ARHGAP18: variants seen among roughly 807,000 people sequenced by gnomAD.
ARHGAP18 encodes Rho GTPase activating protein 18.
ARHGAP18 carries 67 observed loss-of-function variants against 86.2 expected under a neutral mutation model. That is an observed-to-expected ratio of 0.78 (90% CI 0.64 to 0.95). The LOEUF (loss-of-function observed/expected upper bound fraction) is 0.95. Among genes scored for constraint, ARHGAP18 ranks in the 40% least tolerant of loss-of-function variants. The pLI is 0.00. For synonymous variants in ARHGAP18, 283 were observed against 280.4 expected, an observed-to-expected ratio of 1.01 and a Z score of -0.09; for missense variants, 691 against 780.4, an observed-to-expected ratio of 0.89 and a Z score of 1.37.
chr6:129,661,160 G>T (rs774056770), intron 1 of ARHGAP18, among the ~76,000 whole-genome samples: 1 of 151,484 alleles, frequency 6.6e-6, no homozygotes, highest in Admixed American at 6.6e-5. Flanking sequence ...AATTTGATAC[G>T]AGTGGAAGCA....
At chr6:129,653,524 T>A (rs1773760313) in intron 1 of ARHGAP18, among the ~76,000 whole-genome samples, 1 of 152,150 alleles carries the variant, frequency 6.6e-6, no homozygotes, top group Non-Finnish European at 1.5e-5. Context: ...AGAAATAACT[T>A]CCAGCCAAGC....
chr6:129,623,010 A>AC (rs1789264158), intron 5 of ARHGAP18, among the ~76,000 whole-genome samples: 1 of 147,216 alleles, frequency 6.8e-6, no homozygotes. Context: ...TCAAAACAAA[A>AC]AAAAAAAAAA....
At chr6:129,613,679 A>G (rs1789031429) in intron 7 of ARHGAP18, among the ~76,000 whole-genome samples, 1 of 152,250 alleles carries the variant, frequency 6.6e-6, no homozygotes, top group Admixed American at 6.5e-5. Flanking sequence ...TATCGTCAGA[A>G]GGAATGCCAT....
At chr6:129,625,013 A>AATATATATGAATAT (rs1562695980) in intron 5 of ARHGAP18, among the ~76,000 whole-genome samples, 2 of 76,788 alleles carry the variant, frequency 2.6e-5, no homozygotes, top group African/African-American at 8.9e-5. Flanking sequence ...TATTTATATA[A>AATATATATGAATAT]TATATATGAT....
intron 1 of ARHGAP18, among the ~76,000 whole-genome samples, chr6:129,643,855 C>T (rs1477520228): frequency 1.3e-5 from 2 of 152,168 alleles, no homozygotes; most frequent in Non-Finnish European, 2.9e-5. Context: ...GGTCACTAAA[C>T]TCTGGGCGAA....
intron 10 of ARHGAP18, among the ~76,000 whole-genome samples, chr6:129,603,072 T>G (rs1240405598): frequency 6.6e-6 from 1 of 152,036 alleles, no homozygotes; most frequent in Non-Finnish European, 1.5e-5. Flanking sequence ...CGGTGATTTC[T>G]AAGATTTTGG....
At chr6:129,683,055 C>CTTTTTTTTTTT (rs199633610) in intron 1 of ARHGAP18, among the ~76,000 whole-genome samples, 26 of 139,068 alleles carry the variant, frequency 1.9e-4, no homozygotes, top group African/African-American at 3.7e-4. Context: ...TTTGTTTTTT[C>CTTTTTTTTTTT]TTTTTTTTTT....
At chr6:129,680,689 G>A (rs1029674832) in intron 1 of ARHGAP18, among the ~76,000 whole-genome samples, 5 of 152,232 alleles carry the variant, frequency 3.3e-5, no homozygotes, top group African/African-American at 1.2e-4. Flanking sequence ...GTGGTACCCT[G>A]GAGCCAGATC....
intron 5 of ARHGAP18, among the ~76,000 whole-genome samples, chr6:129,625,905 TATA>T (rs1325481701): frequency 1.1e-4 from 3 of 26,746 alleles, no homozygotes; most frequent in African/African-American, 3.3e-4. Context: ...TATATATTTA[TATA>T]TTATATATTA....
intron 1 of ARHGAP18, among the ~76,000 whole-genome samples, chr6:129,686,993 T>TA (rs1774439859): frequency 7.5e-6 from 1 of 133,842 alleles, no homozygotes. Context: ...TTTTTTTTTT[T>TA]TTTGTATTTT....
chr6:129,590,887 C>T (rs1788495295), intron 12 of ARHGAP18, among the ~76,000 whole-genome samples: 1 of 152,112 alleles, frequency 6.6e-6, no homozygotes, highest in African/African-American at 2.4e-5. Context: ...CAAATTCTTA[C>T]AACAATACAG....
At chr6:129,709,566 A>T (rs553529751) in intron 1 of ARHGAP18, among the ~76,000 whole-genome samples, 1 of 151,892 alleles carries the variant, frequency 6.6e-6, no homozygotes, top group Non-Finnish European at 1.5e-5. Context: ...CAGCAAAGAG[A>T]GGGGGGAAAA....
intron 1 of ARHGAP18, among the ~76,000 whole-genome samples, chr6:129,709,567 G>C (rs923700384): frequency 6.6e-6 from 1 of 151,948 alleles, no homozygotes; most frequent in East Asian, 1.9e-4. Context: ...AGCAAAGAGA[G>C]GGGGGAAAAA....
At chr6:129,597,910 T>C (rs919738702) in intron 12 of ARHGAP18, among the ~76,000 whole-genome samples, 8 of 152,142 alleles carry the variant, frequency 5.3e-5, no homozygotes, top group Non-Finnish European at 1.2e-4. Context: ...TTTCCATAAA[T>C]GACAAAATTA....
intron 1 of ARHGAP18, among the ~76,000 whole-genome samples, chr6:129,683,479 T>C (rs1774363869): frequency 1.3e-5 from 2 of 152,232 alleles, no homozygotes; most frequent in Non-Finnish European, 2.9e-5. Flanking sequence ...CTATATCTAC[T>C]TGCATTAGCT....
chr6:129,682,209 C>T (rs560203497), intron 1 of ARHGAP18, among the ~76,000 whole-genome samples: 1 of 152,308 alleles, frequency 6.6e-6, no homozygotes. Context: ...TTTGGCTAAA[C>T]CAAGGAAAGG....
At chr6:129,607,071 G>A (rs1366964865) in intron 9 of ARHGAP18, among the ~76,000 whole-genome samples, 3 of 151,962 alleles carry the variant, frequency 2.0e-5, no homozygotes, top group Non-Finnish European at 2.9e-5. Context: ...TATTGGCCAG[G>A]TTGGTCTTGA....
intron 1 of ARHGAP18, among the ~76,000 whole-genome samples, chr6:129,659,199 G>A (rs1773900174): frequency 6.6e-6 from 1 of 152,300 alleles, no homozygotes. Flanking sequence ...AATGACCACA[G>A]GTTGCTGATG....
intron 5 of ARHGAP18, among the ~76,000 whole-genome samples, chr6:129,627,158 A>G (rs772136800): frequency 1.3e-5 from 2 of 152,152 alleles, no homozygotes; most frequent in Non-Finnish European, 2.9e-5. Context: ...AGTTAAGACT[A>G]TATTTTACAA....
Sources: gnomAD v4.1 joint callset for allele counts (sites outside exome capture counted in the v4.1 genomes callset) on GRCh38, gnomAD v4.1.1 for gene constraint, MANE v1.5 for transcripts, NCBI Gene and HGNC (gene_info 2026-07-23, HGNC 2026-07-21) for gene names.